The following CRADD variants were observed in gnomAD, a reference collection of about 807,000 sequenced individuals.
CRADD encodes death domain-containing protein CRADD.
A neutral mutation model predicts 15.5 loss-of-function variants in CRADD; 9 were observed. The observed-to-expected ratio is 0.58, with a 90% CI of 0.35 to 1.01. CRADD has a LOEUF of 1.01. Among genes scored for constraint, CRADD ranks in the 50% least tolerant of loss-of-function variants. The pLI is 0.02. For synonymous variants in CRADD, 118 were observed against 107.6 expected, an observed-to-expected ratio of 1.10 and a Z score of -0.60; for missense variants, 227 against 250.3, an observed-to-expected ratio of 0.91 and a Z score of 0.63.
intron 2 of CRADD, among the ~76,000 whole-genome samples, chr12:93,753,287 C>T (rs770742851): frequency 1.1e-4 from 16 of 152,180 alleles, no homozygotes; most frequent in South Asian, 2.1e-4. Flanking sequence ...CTGGGTCCCT[C>T]CCATTACATG....
intron 2 of CRADD, among the ~76,000 whole-genome samples, chr12:93,805,530 C>G (rs941077665): frequency 6.6e-6 from 1 of 151,502 alleles, no homozygotes; most frequent in Non-Finnish European, 1.5e-5. Flanking sequence ...TTTCTCCTAC[C>G]CAGTACATCG....
At chr12:93,707,262 A>G (rs1955970746) in intron 2 of CRADD, among the ~76,000 whole-genome samples, 2 of 152,134 alleles carry the variant, frequency 1.3e-5, no homozygotes, top group Non-Finnish European at 2.9e-5. Context: ...GCTTTTTTAA[A>G]TCTACTGCTA....
intron 2 of CRADD, among the ~76,000 whole-genome samples, chr12:93,742,601 G>A (rs1956691108): frequency 6.6e-6 from 1 of 152,192 alleles, no homozygotes; most frequent in Non-Finnish European, 1.5e-5. Context: ...AGCAAAACCA[G>A]GGAAACTCAG....
intron 2 of CRADD, among the ~76,000 whole-genome samples, chr12:93,825,624 T>C (rs1593022066): frequency 6.6e-6 from 1 of 152,332 alleles, no homozygotes; most frequent in East Asian, 1.9e-4. Flanking sequence ...ACTTCTCTTA[T>C]TTCTCTTCTC....
At chr12:93,711,508 G>C (rs569549375) in intron 2 of CRADD, among the ~76,000 whole-genome samples, 1 of 152,122 alleles carries the variant, frequency 6.6e-6, no homozygotes, top group South Asian at 2.1e-4. Context: ...TCATAAATTA[G>C]CTCCCACTCT....
At chr12:93,774,077 C>T (rs1220115357) in intron 2 of CRADD, among the ~76,000 whole-genome samples, 1 of 149,788 alleles carries the variant, frequency 6.7e-6, no homozygotes, top group Non-Finnish European at 1.5e-5. Flanking sequence ...CTCAAGTGAT[C>T]CACCCACCTC....
chr12:93,791,215 A>C (rs2136985191), intron 2 of CRADD, among the ~76,000 whole-genome samples: 1 of 152,292 alleles, frequency 6.6e-6, no homozygotes, highest in Admixed American at 6.5e-5. Context: ...AGATAGCTGC[A>C]CTGCCATGTT....
chr12:93,794,781 T>A (rs11107189), intron 2 of CRADD, among the ~76,000 whole-genome samples: 11,731 of 152,254 alleles, frequency 0.077, 490 homozygotes, highest in East Asian at 0.16. Context: ...TCCTTTGTGA[T>A]GTACCTGCTG....
chr12:93,693,191 A>G (rs1256527684), intron 2 of CRADD, among the ~76,000 whole-genome samples: 3 of 152,194 alleles, frequency 2.0e-5, no homozygotes, highest in African/African-American at 4.8e-5. Flanking sequence ...CAAAGCATCT[A>G]CAAAGCAACC....
Position 93,782,899 on chromosome 12 carries a change from C to G in CRADD, c.299-67071C>G, listed in dbSNP as rs145163432. Reference sequence around the variant, plus strand: ...AAAAAAGTATGTGTATAGGGAAATACGTGAAATCAGAATGGTAAAATATAA... The same window carrying G: ...AAAAAAGTATGTGTATAGGGAAATAGGTGAAATCAGAATGGTAAAATATAA... On this transcript the variant is annotated intron_variant, in intron 2 of 2. Coordinates refer to ENST00000332896, the MANE Select transcript of CRADD (RefSeq NM_003805.5). 1.3e-4 allele frequency among the ~76,000 whole-genome samples: 20 copies of G among 152,150 alleles called. 1 individual carries two copies. The highest frequency in any genetic ancestry group is 4.1e-4 in the South Asian group (2 of 4,824).
Position 93,849,957 on chromosome 12 carries a change from T to G in CRADD, c.299-13T>G. The G allele has an allele frequency of 6.5e-7, 1 of 1,545,560 alleles. No homozygotes were observed. Among genetic ancestry groups the G allele is most frequent in the Middle Eastern group, 1.7e-4 (1 of 5,924 alleles). ...CCTTGCTCATTTCACCGGGGTGTCT[T>G]TTTCCTCCTCAGGTGACAGATTGAC... On this transcript the variant is annotated splice_polypyrimidine_tract_variant and intron_variant, in intron 2 of 2. Transcript: ENST00000332896.
At chr12:93,805,095 A>G (rs1593004353) in intron 2 of CRADD, among the ~76,000 whole-genome samples, 1 of 152,160 alleles carries the variant, frequency 6.6e-6, no homozygotes, top group East Asian at 1.9e-4. Flanking sequence ...GGCACCACTT[A>G]TCTTTGTGTA....
chr12:93,821,864 T>G (rs183977882), intron 2 of CRADD, among the ~76,000 whole-genome samples: 2 of 152,272 alleles, frequency 1.3e-5, no homozygotes, highest in Admixed American at 1.3e-4. Flanking sequence ...ATGCCTGTAA[T>G]CCCAGCACTT....
At chr12:93,841,002 C>G (rs1958040683) in intron 2 of CRADD, among the ~76,000 whole-genome samples, 3 of 152,066 alleles carry the variant, frequency 2.0e-5, no homozygotes, top group South Asian at 2.1e-4. Context: ...AAGAAAGTTT[C>G]CCATATTTTG....
At chr12:93,690,299 A>G (rs1180095028) in intron 2 of CRADD, among the ~76,000 whole-genome samples, 1 of 152,228 alleles carries the variant, frequency 6.6e-6, no homozygotes, top group East Asian at 1.9e-4. Context: ...CTACTGTGCC[A>G]TCCTTCTTCT....
At chr12:93,873,086 A>T (rs936801559) in intron 2 of CRADD, among the ~76,000 whole-genome samples, 6 of 151,936 alleles carry the variant, frequency 3.9e-5, no homozygotes, top group African/African-American at 1.4e-4. Flanking sequence ...AATTTCTTTC[A>T]TCAGTGTTTT....
At chr12:93,681,047 G>C (rs1178270513) in intron 2 of CRADD, among the ~76,000 whole-genome samples, 1 of 152,052 alleles carries the variant, frequency 6.6e-6, no homozygotes, top group Non-Finnish European at 1.5e-5. Flanking sequence ...ACCATGCTCG[G>C]CTAATTTTGT....
chr12:93,735,368 G>A (rs1956547837), intron 2 of CRADD, among the ~76,000 whole-genome samples: 1 of 152,178 alleles, frequency 6.6e-6, no homozygotes, highest in Admixed American at 6.5e-5. Context: ...AAGTGACAAG[G>A]TGTGGGGATC....
At chr12:93,731,927 G>A (rs531554103) in intron 2 of CRADD, among the ~76,000 whole-genome samples, 18 of 152,040 alleles carry the variant, frequency 1.2e-4, no homozygotes, top group African/African-American at 3.1e-4. Flanking sequence ...ACCTGAGGTC[G>A]GGAGTTCGAG....
Sources: gnomAD v4.1 joint callset for allele counts (sites outside exome capture counted in the v4.1 genomes callset) on GRCh38, gnomAD v4.1.1 for gene constraint, MANE v1.5 for transcripts, NCBI Gene and HGNC (gene_info 2026-07-23, HGNC 2026-07-21) for gene names.